The following FBXL7 variants were observed in gnomAD, a reference collection of about 807,000 sequenced individuals.
The protein encoded by FBXL7 is F-box/LRR-repeat protein 7.
A neutral mutation model predicts 38.3 loss-of-function variants in FBXL7; 12 were observed. That is an observed-to-expected ratio of 0.31 (90% CI 0.20 to 0.51). The LOEUF (loss-of-function observed/expected upper bound fraction) is 0.51. FBXL7 is among the 20% of genes least tolerant of loss of function. The pLI is 0.98. For missense variants in FBXL7, 567 were observed against 676.4 expected (o/e 0.84, Z 1.79); for synonymous variants, 297 against 300.9 (o/e 0.99, Z 0.13).
At chr5:15,566,444 A>G (rs750351147) in intron 1 of FBXL7, among the ~76,000 whole-genome samples, 22 of 152,266 alleles carry the variant, frequency 1.4e-4, no homozygotes, top group Non-Finnish European at 2.2e-4. Context: ...TTCCCCAAGG[A>G]TGTCTGTAAA....
intron 2 of FBXL7, among the ~76,000 whole-genome samples, chr5:15,730,271 A>G (rs1289991073): frequency 6.6e-6 from 1 of 152,138 alleles, no homozygotes. Flanking sequence ...GGTACTGTAA[A>G]TCTCATAACT....
chr5:15,901,815 AT>A (rs1741240689), intron 2 of FBXL7, among the ~76,000 whole-genome samples: 1 of 152,194 alleles, frequency 6.6e-6, no homozygotes, highest in Non-Finnish European at 1.5e-5. Context: ...TTTAATCTGG[AT>A]ATGATTGCCG....
chr5:15,548,733 G>A lies in FBXL7; in HGVS notation c.37+48020G>A, dbSNP rs117715695. 4.6e-5 allele frequency among the ~76,000 whole-genome samples: 7 copies of A among 152,290 alleles called. No homozygotes were observed. The East Asian group carries it at 1.2e-3, about 25-fold the overall frequency. ...GCTCCAAATTTAAAGTGGAAAGGGT[G>A]GGATATTGAGAAGTATACAATTTTC... On this transcript the variant is annotated intron_variant, in intron 1 of 3. Coordinates refer to ENST00000504595, the MANE Select transcript of FBXL7 (RefSeq NM_012304.5).
At chr5:15,741,594 A>AT (rs768152273) in intron 2 of FBXL7, among the ~76,000 whole-genome samples, 3 of 152,198 alleles carry the variant, frequency 2.0e-5, no homozygotes, top group Non-Finnish European at 4.4e-5. Flanking sequence ...GCTCTTGGGT[A>AT]TAAAAAAAGA....
At chr5:15,555,230 C>T (rs1738196313) in intron 1 of FBXL7, among the ~76,000 whole-genome samples, 1 of 152,170 alleles carries the variant, frequency 6.6e-6, no homozygotes, top group Admixed American at 6.5e-5. Context: ...ACACCCCCCA[C>T]AGAACATCCA....
chr5:15,624,179 T>C (rs1010090645), intron 2 of FBXL7, among the ~76,000 whole-genome samples: 3 of 152,198 alleles, frequency 2.0e-5, no homozygotes, highest in Non-Finnish European at 4.4e-5. Context: ...AATCCTTAGT[T>C]ATTGCTATGG....
intron 2 of FBXL7, among the ~76,000 whole-genome samples, chr5:15,658,518 T>C (rs995304107): frequency 1.3e-5 from 2 of 152,140 alleles, no homozygotes; most frequent in Non-Finnish European, 2.9e-5. Context: ...CAGGAGGAGC[T>C]GCAGACAAGA....
At chr5:15,767,755 A>T (rs767865967) in intron 2 of FBXL7, among the ~76,000 whole-genome samples, 1 of 152,222 alleles carries the variant, frequency 6.6e-6, no homozygotes, top group African/African-American at 2.4e-5. Flanking sequence ...CTCCAATATC[A>T]TGAAGCTGGG....
chr5:15,557,251 A>C (rs963467415), intron 1 of FBXL7, among the ~76,000 whole-genome samples: 1 of 152,154 alleles, frequency 6.6e-6, no homozygotes, highest in Non-Finnish European at 1.5e-5. Context: ...CCAGATTGTT[A>C]ATTCAACCTG....
At chr5:15,504,060 C>T (rs1736575475) in intron 1 of FBXL7, among the ~76,000 whole-genome samples, 1 of 152,174 alleles carries the variant, frequency 6.6e-6, no homozygotes, top group African/African-American at 2.4e-5. Flanking sequence ...GGGAGCTTGT[C>T]AAAAATGCAA....
At chr5:15,554,650 A>G (rs1235952872) in intron 1 of FBXL7, among the ~76,000 whole-genome samples, 1 of 152,192 alleles carries the variant, frequency 6.6e-6, no homozygotes, top group African/African-American at 2.4e-5. Context: ...CTCAGGCCCC[A>G]CCTGAGAACA....
chr5:15,540,929 T>C (rs1737722286), intron 1 of FBXL7, among the ~76,000 whole-genome samples: 1 of 152,134 alleles, frequency 6.6e-6, no homozygotes, highest in Non-Finnish European at 1.5e-5. Flanking sequence ...TTTTGACAAA[T>C]GAATTTTGGA....
At chr5:15,543,318 A>G (rs555671494) in intron 1 of FBXL7, among the ~76,000 whole-genome samples, 2 of 151,930 alleles carry the variant, frequency 1.3e-5, no homozygotes, top group South Asian at 4.1e-4. Context: ...TAAAACCATC[A>G]TATCTGTGAG....
intron 2 of FBXL7, among the ~76,000 whole-genome samples, chr5:15,636,521 C>T (rs1393797755): frequency 6.6e-6 from 1 of 152,136 alleles, no homozygotes; most frequent in Non-Finnish European, 1.5e-5. Flanking sequence ...AGTGCAGGGC[C>T]TCCTAGTCAC....
intron 2 of FBXL7, among the ~76,000 whole-genome samples, chr5:15,914,558 A>T (rs1741531892): frequency 6.6e-6 from 1 of 152,168 alleles, no homozygotes; most frequent in East Asian, 1.9e-4. Flanking sequence ...TGAGTAGATT[A>T]ATACTATTAA....
intron 2 of FBXL7, among the ~76,000 whole-genome samples, chr5:15,633,181 C>G (rs1486166766): frequency 2.0e-5 from 3 of 152,028 alleles, no homozygotes; most frequent in Non-Finnish European, 4.4e-5. Flanking sequence ...TAGTTATAAT[C>G]CTATGAGTGT....
At chr5:15,562,398 C>T (rs1018224596) in intron 1 of FBXL7, among the ~76,000 whole-genome samples, 1 of 152,028 alleles carries the variant, frequency 6.6e-6, no homozygotes, top group Non-Finnish European at 1.5e-5. Flanking sequence ...ATATAAGGAA[C>T]TTATGTAACT....
chr5:15,649,435 C>A (rs2126567697), intron 2 of FBXL7, among the ~76,000 whole-genome samples: 1 of 152,276 alleles, frequency 6.6e-6, no homozygotes, highest in Middle Eastern at 3.4e-3. Context: ...AAAGCCTATG[C>A]ATACACCTAG....
At chr5:15,833,177 A>G (rs895523519) in intron 2 of FBXL7, among the ~76,000 whole-genome samples, 20 of 152,100 alleles carry the variant, frequency 1.3e-4, no homozygotes, top group Non-Finnish European at 2.6e-4. Flanking sequence ...GGACTAATAC[A>G]CTTATAAACA....
Sources: allele counts gnomAD v4.1 joint callset (sites outside exome capture counted in the v4.1 genomes callset), GRCh38; gene constraint gnomAD v4.1.1; transcripts MANE v1.5; gene names NCBI Gene and HGNC (gene_info 2026-07-23, HGNC 2026-07-21).